Variants in PAQR9 observed in about 807,000 individuals in gnomAD.
PAQR9 encodes membrane progestin receptor epsilon.
Under a neutral mutation model 24.0 loss-of-function variants are expected in PAQR9, and 12 were observed. The observed-to-expected ratio is 0.50, with a 90% confidence interval of 0.32 to 0.81. The LOEUF (loss-of-function observed/expected upper bound fraction) is 0.81, where lower values mean the gene tolerates loss of function less well. Ranked by LOEUF, PAQR9 falls within the 30% of genes least tolerant of loss-of-function variation. The probability of loss-of-function intolerance (pLI) is 0.03; values close to 1 mark genes in which losing one functional copy is unlikely to be tolerated. For synonymous variants in PAQR9, 266 were observed against 237.6 expected, an observed-to-expected ratio of 1.12 and a Z score of -1.10; for missense variants, 418 against 520.8, an observed-to-expected ratio of 0.80 and a Z score of 1.92.
At position 142,957,102 on chromosome 3, in the gene PAQR9, C is replaced by T. The variant is rs911646639; in HGVS notation, c.*5101G>A. Reference sequence around the variant, plus strand: ...GATGTACAATTGGCTGGTGCTATCCCGTAATGCCTTTTTGCCTCTGTCCTA... The same window carrying T: ...GATGTACAATTGGCTGGTGCTATCCTGTAATGCCTTTTTGCCTCTGTCCTA... On this transcript the variant is annotated 3_prime_UTR_variant, in exon 1 of 1. Transcript: ENST00000340634. Among the ~76,000 whole-genome samples the T allele has an allele frequency of 3.3e-5, 5 of 152,144 alleles. No individual in the cohort carries two copies. Among genetic ancestry groups the T allele is most frequent in the African/African-American group, 7.2e-5 (3 of 41,434 alleles).
rs1934774585 is a variant in PAQR9 at position 142,955,351 on chromosome 3, T to C, written c.*6852A>G. The stretch of plus-strand genomic sequence containing the variant: ...AAATCTTTTCTCTTCAAGCTGGATA[T>C]GTGGAAAGTGAAGTTTCAAGGGTAG... On this transcript the variant is annotated 3_prime_UTR_variant, in exon 1 of 1. Transcript: ENST00000340634. Among the ~76,000 whole-genome samples, 1 of 146,898 alleles carries C rather than the reference T, an allele frequency of 6.8e-6. No individual in the cohort carries two copies. The highest frequency in any genetic ancestry group is 1.5e-5 in the Non-Finnish European group (1 of 67,494).
rs1934905542 is a variant in PAQR9, at chr3:142,962,197, G to A, written c.*6C>T. 1.9e-6 allele frequency: 3 copies of A among 1,612,278 alleles called. No individual in the cohort carries two copies. The highest frequency in any genetic ancestry group is 1.7e-4 in the Middle Eastern group (1 of 6,060). ...GCGAACCAGTAGTCTCCTCCAAGGC[G>A]GAGGCTCACTTTTTACTGCAGAATT... is the stretch of plus-strand genomic sequence containing the variant. On this transcript the variant is annotated 3_prime_UTR_variant, in exon 1 of 1. Transcript: ENST00000340634.
At position 142,961,782 on chromosome 3, in the gene PAQR9, G is replaced by T. The variant is rs1460824296; in HGVS notation, c.*421C>A. On this transcript the variant is annotated 3_prime_UTR_variant, in exon 1 of 1. Coordinates refer to ENST00000340634, the MANE Select transcript of PAQR9 (RefSeq NM_198504.4). ...GACAAATCCAAGCATTCCTCAGACT[G>T]AAACAGAAGTTCCCAAGGATTCTAT... The T allele has an allele frequency of 6.0e-6, 1 of 167,090 alleles. No individual in the cohort carries two copies. Among genetic ancestry groups the T allele is most frequent in the Non-Finnish European group, 1.3e-5 (1 of 76,378 alleles). 10.4% of individuals were successfully genotyped at this position (167,090 alleles called of 1,614,324 possible).
At chr3:142,953,912 G>A (rs566244251), downstream of PAQR9, among the ~76,000 whole-genome samples, 1 of 152,270 alleles carries the variant, frequency 6.6e-6, no homozygotes, top group East Asian at 1.9e-4. Context: ...TGGTGGCAGT[G>A]CCCTGAAGCT....
Position 142,962,811 on chromosome 3 carries a change from G to GGTA in PAQR9, c.523_525dup (p.Tyr175dup). ...TCCAGCAAGCTGAGGCCTGGCAACA[G>GGTA]GTAGTAGTAGTAGGCCACCGTGCTG... On this transcript the variant is annotated inframe_insertion, in exon 1 of 1. Coordinates refer to ENST00000340634, the MANE Select transcript of PAQR9 (RefSeq NM_198504.4). 1 of 1,612,722 alleles carries GGTA rather than the reference G, an allele frequency of 6.2e-7. No individual in the cohort carries two copies. Among genetic ancestry groups the GGTA allele is most frequent in the Middle Eastern group, 1.7e-4 (1 of 6,060 alleles).
At chr3:142,963,976 C>T (rs954560037), upstream of PAQR9, 1 of 747,248 alleles carries the variant, frequency 1.3e-6, no homozygotes. Flanking sequence ...GGGTTCGAAA[C>T]CCGACAGCCA....
chr3:142,958,845 A>T lies in PAQR9; in HGVS notation c.*3358T>A, dbSNP rs1038714325. Among the ~76,000 whole-genome samples the T allele has an allele frequency of 6.6e-6, 1 of 152,142 alleles. No homozygotes were observed. Among genetic ancestry groups the T allele is most frequent in the African/African-American group, 2.4e-5 (1 of 41,436 alleles). On this transcript the variant is annotated 3_prime_UTR_variant, in exon 1 of 1. Transcript: ENST00000340634. The stretch of plus-strand genomic sequence containing the variant: ...AAGCCAGTCATGACATGACCGAGGA[A>T]CTCATTTCCTCTCTCTGGGAAGGTC...
rs1049426022 is a variant in PAQR9 at position 142,962,959 on chromosome 3, C to T, written c.378G>A (p.Ala126=). The change falls in exon 1 of 1, where the codon GCG becomes GCA. Residue 126 remains alanine, a synonymous_variant. Transcript: ENST00000340634. ...HPWLLPLWCY[A]SGVLLTFAMS... is the part of the protein sequence containing the mutation. ...TGGCGAAGGTCAGCAGCACTCCCGA[C>T]GCGTAGCACCACAACGGTAGCAGCC... 2.5e-6 allele frequency: 4 copies of T among 1,613,972 alleles called. No individual in the cohort carries two copies. The highest frequency in any genetic ancestry group is 2.7e-5 in the African/African-American group (2 of 74,948).
At chr3:142,952,732 G>A, downstream of PAQR9, 1 of 456,554 alleles carries the variant, frequency 2.2e-6, no homozygotes, top group South Asian at 1.5e-5. Context: ...GTTAGTAGCA[G>A]CCAGGGCTGA....
chr3:142,954,518 A>G (rs1560157929), downstream of PAQR9, among the ~76,000 whole-genome samples: 1 of 152,196 alleles, frequency 6.6e-6, no homozygotes, highest in Admixed American at 6.5e-5. Flanking sequence ...TTTACTGTTA[A>G]TTTAGGAATA....
chr3:142,963,418 G>C lies in PAQR9; in HGVS notation c.-82C>G, dbSNP rs919475110. 16 of 1,065,350 alleles carry C rather than the reference G, an allele frequency of 1.5e-5. No individual in the cohort carries two copies. The highest frequency in any genetic ancestry group is 3.4e-5 in the African/African-American group (2 of 58,982). 66.0% of individuals were successfully genotyped at this position (1,065,350 alleles called of 1,614,324 possible). ...CGCTGGGCAGCCCCCGCCGGCCGCC[G>C]TCGGAGCCTTTGTGCCCACGCCGGG... On this transcript the variant is annotated 5_prime_UTR_variant, in exon 1 of 1. Coordinates refer to ENST00000340634, the MANE Select transcript of PAQR9 (RefSeq NM_198504.4).
Position 142,963,130 on chromosome 3 carries a change from C to G in PAQR9, c.207G>C (p.Thr69=), listed in dbSNP as rs1402114164. ...ILSGYRRLPC[T]AQECLASVLK... is the part of the protein sequence containing the mutation. Reference sequence around the variant, plus strand: ...GCACCGAGGCTAGGCACTCCTGGGCCGTGCACGGCAGACGCCGGTAGCCCG... The same window carrying G: ...GCACCGAGGCTAGGCACTCCTGGGCGGTGCACGGCAGACGCCGGTAGCCCG... The change falls in exon 1 of 1, where the codon ACG becomes ACC. Residue 69 remains threonine, a synonymous_variant. Transcript: ENST00000340634. 1.7e-5 allele frequency: 27 copies of G among 1,612,424 alleles called. No homozygotes were observed. Among genetic ancestry groups the G allele is most frequent in the Non-Finnish European group, 2.1e-5 (25 of 1,179,222 alleles).
In PAQR9 at chr3:142,957,249, C is replaced by T. The variant is rs557036779; in HGVS notation, c.*4954G>A. 6.6e-6 allele frequency among the ~76,000 whole-genome samples: 1 copy of T among 152,302 alleles called. No homozygotes were observed. The highest frequency in any genetic ancestry group is 1.9e-4 in the East Asian group (1 of 5,184). On this transcript the variant is annotated 3_prime_UTR_variant, in exon 1 of 1. Transcript: ENST00000340634. ...GTGGTTAAGCTGACAAACAGAATTC[C>T]TTGCCTGTCTACTCGAACACTAACA...
At position 142,957,573 on chromosome 3, in the gene PAQR9, G is replaced by A. The variant is rs1424392068; in HGVS notation, c.*4630C>T. 6.7e-6 allele frequency among the ~76,000 whole-genome samples: 1 copy of A among 150,252 alleles called. No individual in the cohort carries two copies. The highest frequency in any genetic ancestry group is 2.5e-5 in the African/African-American group (1 of 39,808). ...ACCTTCTTATGTATGTGATTGGTTT[G>A]TTTGTTTGTTTTATTACACTATAAA... On this transcript the variant is annotated 3_prime_UTR_variant, in exon 1 of 1. Transcript: ENST00000340634.
rs1934961605 is a variant in PAQR9 at position 142,963,612 on chromosome 3, CGCCCGCGCTGCGGCAGCGGCG to C, written c.-297_-277del. On this transcript the variant is annotated 5_prime_UTR_variant, in exon 1 of 1. Transcript: ENST00000340634. ...CAAGCCCCTGCTACCGGCGCGCGGCCGCCCGCGCTGCGGCAGCGGCGGCGGCGCGGCTGACTGCGGCGGCAG... is the reference window on the plus strand; with the variant it reads ...CAAGCCCCTGCTACCGGCGCGCGGCCGCGGCGCGGCTGACTGCGGCGGCAG... 1.3e-6 allele frequency: 1 copy of C among 782,716 alleles called. No homozygotes were observed. Among genetic ancestry groups the C allele is most frequent in the African/African-American group, 1.9e-5 (1 of 52,964 alleles). 48.5% of individuals were successfully genotyped at this position (782,716 alleles called of 1,614,324 possible).
chr3:142,954,201 T>C (rs1248823704), downstream of PAQR9, among the ~76,000 whole-genome samples: 1 of 152,268 alleles, frequency 6.6e-6, no homozygotes, highest in African/African-American at 2.4e-5. Context: ...ACAGAGATAC[T>C]GTAAGTTCAC....
At chr3:142,952,237 G>A (rs547948096), downstream of PAQR9, among the ~76,000 whole-genome samples, 1 of 152,142 alleles carries the variant, frequency 6.6e-6, no homozygotes, top group African/African-American at 2.4e-5. Context: ...GGTGGGAAGT[G>A]GTAAGATCAG....
chr3:142,953,817 G>C (rs1357769706), downstream of PAQR9, among the ~76,000 whole-genome samples: 1 of 152,154 alleles, frequency 6.6e-6, no homozygotes, highest in East Asian at 1.9e-4. Context: ...TGTGACCTCA[G>C]GTAGGCCAAT....
rs1158423481 is a variant in PAQR9, at chr3:142,960,022, G to GGAAT, written c.*2177_*2180dup. 6.6e-6 allele frequency among the ~76,000 whole-genome samples: 1 copy of GGAAT among 152,144 alleles called. No individual in the cohort carries two copies. The highest frequency in any genetic ancestry group is 1.5e-5 in the Non-Finnish European group (1 of 68,040). On this transcript the variant is annotated 3_prime_UTR_variant, in exon 1 of 1. Coordinates refer to ENST00000340634, the MANE Select transcript of PAQR9 (RefSeq NM_198504.4). The stretch of plus-strand genomic sequence containing the variant: ...ATCTATTGAATTAAGTTACAGCTGA[G>GGAAT]GAATAACATCTGTTGTAAGTACAAA...
Sources: allele counts gnomAD v4.1 joint callset (sites outside exome capture counted in the v4.1 genomes callset), GRCh38; gene constraint gnomAD v4.1.1; transcripts MANE v1.5; gene names NCBI Gene and HGNC (gene_info 2026-07-23, HGNC 2026-07-21).